The following PMP22 variants were observed in gnomAD, a reference collection of about 807,000 sequenced individuals.
PMP22 encodes the protein peripheral myelin protein 22, also known as Charcot-Marie-Tooth neuropathy 1A (greatly reduced nerve conduction velocity, hereditary motor sensory neuropathy Ia).
In PMP22, 2 loss-of-function variants were observed where a neutral mutation model predicts 18.9. The observed-to-expected ratio is 0.11, with a 90% CI of 0.04 to 0.33. PMP22 has a LOEUF of 0.33. Among genes scored for constraint, PMP22 ranks in the 10% least tolerant of loss-of-function variants. PMP22 has a pLI of 1.00. For missense variants in PMP22, 169 were observed against 202.2 expected (o/e 0.84, Z 1.00); for synonymous variants, 95 against 89.2 (o/e 1.07, Z -0.37).
chr17:15,238,360 C>T (rs975044359), intron 4 of PMP22, among the ~76,000 whole-genome samples: 8 of 152,214 alleles, frequency 5.3e-5, no homozygotes, highest in African/African-American at 1.7e-4. Context: ...ACCCTATTTA[C>T]GTCAACCTTC....
rs11654383 is a variant in PMP22 at position 15,229,797 on chromosome 17, A to G, written c.*1120T>C. On this transcript the variant is annotated 3_prime_UTR_variant, in exon 5 of 5. Coordinates refer to ENST00000312280, the MANE Select transcript of PMP22 (RefSeq NM_000304.4). ...AGACCAGTGAGTTACTCTGATGTTT[A>G]TTTTAATGCATCTTAGTCCACACAG... 2,653 of 152,738 alleles carry G rather than the reference A, an allele frequency of 0.017. 42 individuals carry two copies. Among genetic ancestry groups the G allele is most frequent in the Non-Finnish European group, 0.026 (1,796 of 68,038 alleles). The allele number at this position is 152,738 out of a possible 1,614,324, so 9.5% of individuals were successfully genotyped here. A position where few individuals can be genotyped will look rare whatever the true frequency, so the allele number is the denominator to read the frequency against.
chr17:15,254,730 G>A (rs1366782317), intron 3 of PMP22, among the ~76,000 whole-genome samples: 1 of 152,166 alleles, frequency 6.6e-6, no homozygotes, highest in Admixed American at 6.5e-5. Context: ...GGCTGAGGCA[G>A]GTGGATCACC....
chr17:15,234,659 T>C (rs1906632858), intron 4 of PMP22, among the ~76,000 whole-genome samples: 1 of 152,140 alleles, frequency 6.6e-6, no homozygotes. Flanking sequence ...AAGCCACCCA[T>C]AGCATTGACT....
At chr17:15,239,657 G>T in intron 3 of PMP22, 46 bp from the exon 4 acceptor site, 2 of 1,608,952 alleles carry the variant, frequency 1.2e-6, no homozygotes, top group Non-Finnish European at 1.7e-6. Flanking sequence ...CATGGCCGGG[G>T]GAGGGCTCTG....
At chr17:15,241,010 T>C (rs1053835004) in intron 3 of PMP22, among the ~76,000 whole-genome samples, 3 of 152,162 alleles carry the variant, frequency 2.0e-5, no homozygotes, top group African/African-American at 7.2e-5. Flanking sequence ...CTGGAGATAT[T>C]TTAGAGTTGG....
chr17:15,233,924 T>C (rs1421182097), intron 4 of PMP22, among the ~76,000 whole-genome samples: 2 of 152,038 alleles, frequency 1.3e-5, no homozygotes, highest in African/African-American at 2.4e-5. Flanking sequence ...TTACATGACA[T>C]GTTAAGGAAG....
intron 3 of PMP22, among the ~76,000 whole-genome samples, chr17:15,253,958 G>A (rs1448926642): frequency 1.3e-5 from 2 of 152,212 alleles, no homozygotes; most frequent in African/African-American, 4.8e-5. Flanking sequence ...ACCTGCAATA[G>A]TCTCTGGTAC....
intron 3 of PMP22, among the ~76,000 whole-genome samples, chr17:15,244,478 A>G (rs1907621675): frequency 1.3e-5 from 2 of 152,236 alleles, no homozygotes; most frequent in Non-Finnish European, 2.9e-5. Flanking sequence ...TCAAGTGCTT[A>G]TCTACTATAT....
At chr17:15,243,782 A>G (rs1409884873) in intron 3 of PMP22, among the ~76,000 whole-genome samples, 1 of 148,144 alleles carries the variant, frequency 6.8e-6, no homozygotes, top group Non-Finnish European at 1.5e-5. Context: ...TATTATAATT[A>G]TATAACATAT....
intron 4 of PMP22, among the ~76,000 whole-genome samples, chr17:15,234,924 C>T (rs1400362610): frequency 1.3e-5 from 2 of 152,020 alleles, no homozygotes; most frequent in Admixed American, 6.6e-5. Flanking sequence ...TCAAGCAATC[C>T]TCCTGCCTCA....
intron 4 of PMP22, among the ~76,000 whole-genome samples, chr17:15,238,088 T>C (rs1906967636): frequency 6.6e-6 from 1 of 152,128 alleles, no homozygotes. Flanking sequence ...TTAACGTACC[T>C]AGAAATGATA....
chr17:15,239,538 G>A lies in PMP22; in HGVS notation c.252C>T (p.Phe84=). ...CCTTGGTGAGGGTGAAGAGTTGGCA[G>A]AAGAACAGGAACAGAGACAGAATGC... ...IFSILSLFLF[F]CQLFTLTKGG... Residue 84 remains phenylalanine, a synonymous_variant, in exon 4 of 5, where the codon TTC becomes TTT. Coordinates refer to ENST00000312280, the MANE Select transcript of PMP22 (RefSeq NM_000304.4). 2 of 1,614,036 alleles carry A rather than the reference G, an allele frequency of 1.2e-6. No homozygotes were observed. The highest frequency in any genetic ancestry group is 1.7e-6 in the Non-Finnish European group (2 of 1,179,872).
intron 3 of PMP22, among the ~76,000 whole-genome samples, chr17:15,242,543 AT>A (rs1162712898): frequency 6.6e-6 from 1 of 152,208 alleles, no homozygotes; most frequent in African/African-American, 2.4e-5. Context: ...CATTATGCAT[AT>A]AATAACATGG....
chr17:15,264,702 T>A (rs1183588543), intron 1 of PMP22, among the ~76,000 whole-genome samples: 1 of 152,184 alleles, frequency 6.6e-6, no homozygotes, highest in Non-Finnish European at 1.5e-5. Flanking sequence ...TCACTGCCTC[T>A]GGCCTCCTGC....
At chr17:15,237,323 T>G (rs559066943) in intron 4 of PMP22, among the ~76,000 whole-genome samples, 1 of 152,336 alleles carries the variant, frequency 6.6e-6, no homozygotes, top group East Asian at 1.9e-4. Context: ...ATGATGTTGC[T>G]AAAAAGACAT....
Position 15,259,087 on chromosome 17 carries a change from G to T in PMP22, c.178+7C>A, listed in dbSNP as rs147885521. 1.4e-3 allele frequency: 2,231 copies of T among 1,596,788 alleles called. 6 individuals carry two copies. Among genetic ancestry groups the T allele is most frequent in the Admixed American group, 2.1e-3 (127 of 59,988 alleles). ...GACAAGCTCATGGAGCACAAAACCA[G>T]CCTCACCGTTTGGTGATGATGAGAA... On this transcript the variant is annotated splice_region_variant and intron_variant, in intron 3 of 4. Transcript: ENST00000312280.
intron 3 of PMP22, among the ~76,000 whole-genome samples, chr17:15,255,051 C>T (rs1473131591): frequency 6.6e-6 from 1 of 151,980 alleles, no homozygotes; most frequent in African/African-American, 2.4e-5. Flanking sequence ...TGAGAAGAGC[C>T]CATGTGAGAA....
chr17:15,231,056 G>A lies in PMP22; in HGVS notation c.344C>T (p.Ala115Val), dbSNP rs148822354. ...LAGLCVMSAA[A>V]IYTVRHPEWH... ...CTCCGGGTGCCTCACCGTGTAGATG[G>A]CCGCAGCACTCATCACGCACAGACC... Residue 115 changes from alanine to valine, a missense_variant, in exon 5 of 5, where the codon GCC (alanine) becomes GTC (valine). Coordinates refer to ENST00000312280, the MANE Select transcript of PMP22 (RefSeq NM_000304.4). 11 of 1,613,302 alleles carry A rather than the reference G, an allele frequency of 6.8e-6. No homozygotes were observed. The highest frequency in any genetic ancestry group is 1.3e-5 in the African/African-American group (1 of 74,696).
Position 15,261,890 on chromosome 17 carries a change from G to A in PMP22, c.-34-1129C>T, listed in dbSNP as rs1485781905. The stretch of plus-strand genomic sequence containing the variant: ...GGGGACCATTTTAGGCAGAGTCTTG[G>A]GCCAGGGAGACAACGTTTCAATAAC... On this transcript the variant is annotated intron_variant, in intron 1 of 4. Coordinates refer to ENST00000312280, the MANE Select transcript of PMP22 (RefSeq NM_000304.4). This position sits in a 1 kb window ranked among gnomAD's most constrained non-coding sequence, Gnocchi z 5.2. 6.6e-6 allele frequency: 1 copy of A among 152,174 alleles called. No homozygotes were observed. Among genetic ancestry groups the A allele is most frequent in the East Asian group, 1.9e-4 (1 of 5,182 alleles). 9.4% of individuals were successfully genotyped at this position (152,174 alleles called of 1,614,324 possible). A position where few individuals can be genotyped will look rare whatever the true frequency, so the allele number is the denominator to read the frequency against.
Sources: allele counts gnomAD v4.1 joint callset (sites outside exome capture counted in the v4.1 genomes callset), GRCh38; gene constraint gnomAD v4.1.1; non-coding constraint Gnocchi (gnomAD v3.1); transcripts MANE v1.5; gene names NCBI Gene and HGNC (gene_info 2026-07-23, HGNC 2026-07-21).